DAD1: variants seen among roughly 807,000 people sequenced by gnomAD.
DAD1 encodes defender against cell death 1.
Under a neutral mutation model 9.0 loss-of-function variants are expected in DAD1, and 4 were observed. The observed-to-expected ratio is 0.44, with a 90% confidence interval of 0.22 to 1.01. The LOEUF is 1.01. Among genes scored for constraint, DAD1 ranks in the 50% least tolerant of loss-of-function variants. The probability of loss-of-function intolerance (pLI) is 0.24; values close to 1 mark genes in which losing one functional copy is unlikely to be tolerated. For missense variants in DAD1, 119 were observed against 137.3 expected (o/e 0.87, Z 0.67); for synonymous variants, 60 against 62.5 (o/e 0.96, Z 0.19).
At chr14:22,572,983 T>C (rs1441271427) in intron 2 of DAD1, among the ~76,000 whole-genome samples, 1 of 152,220 alleles carries the variant, frequency 6.6e-6, no homozygotes, top group African/African-American at 2.4e-5. Context: ...TAACTAGCAA[T>C]AGCTGTTATC....
intron 2 of DAD1, among the ~76,000 whole-genome samples, chr14:22,567,989 TAAAAA>T (rs893331657): frequency 5.3e-5 from 8 of 152,214 alleles, no homozygotes; most frequent in African/African-American, 1.9e-4. Context: ...AAAAATTTCT[TAAAAA>T]GAAAAGTTTA....
At chr14:22,573,693 G>C (rs1386146614) in intron 2 of DAD1, among the ~76,000 whole-genome samples, 7 of 124,858 alleles carry the variant, frequency 5.6e-5, no homozygotes, top group Middle Eastern at 0.013. Context: ...CTGGGTAACA[G>C]AGCGAGACTC....
chr14:22,570,230 C>T (rs1566370000), intron 2 of DAD1, among the ~76,000 whole-genome samples: 1 of 151,740 alleles, frequency 6.6e-6, no homozygotes, highest in Non-Finnish European at 1.5e-5. Context: ...TAGAACAAAC[C>T]AAAAAAAGAA....
chr14:22,572,112 C>A (rs2037045464), intron 2 of DAD1, among the ~76,000 whole-genome samples: 1 of 152,096 alleles, frequency 6.6e-6, no homozygotes. Context: ...ATTTTTTTAA[C>A]CCAATGCCAT....
intron 2 of DAD1, among the ~76,000 whole-genome samples, chr14:22,569,501 T>C (rs1275732466): frequency 1.3e-5 from 2 of 151,898 alleles, no homozygotes; most frequent in African/African-American, 2.4e-5. Context: ...CTGTTCACAA[T>C]TGAGTCCAGT....
At chr14:22,585,100 C>A (rs1309171663) in intron 1 of DAD1, among the ~76,000 whole-genome samples, 3 of 152,220 alleles carry the variant, frequency 2.0e-5, no homozygotes, top group African/African-American at 7.2e-5. Flanking sequence ...AAAAGAAATG[C>A]TGGACCCCAG....
At chr14:22,567,613 CTATT>C (rs2037009953) in intron 2 of DAD1, among the ~76,000 whole-genome samples, 1 of 152,222 alleles carries the variant, frequency 6.6e-6, no homozygotes, top group South Asian at 2.1e-4. Flanking sequence ...ACACAGGTGA[CTATT>C]TAAACTTAGT....
chr14:22,587,664 G>A (rs911418019), intron 1 of DAD1, among the ~76,000 whole-genome samples: 1 of 151,926 alleles, frequency 6.6e-6, no homozygotes, highest in African/African-American at 2.4e-5. Flanking sequence ...AATATCTCTG[G>A]TGTGTCAGAA....
chr14:22,569,649 G>T (rs1361356676), intron 2 of DAD1, among the ~76,000 whole-genome samples: 2 of 152,156 alleles, frequency 1.3e-5, no homozygotes, highest in Non-Finnish European at 2.9e-5. Flanking sequence ...AAGCTGGGAG[G>T]ATGGAGAAAA....
Position 22,571,163 on chromosome 14 carries a change from A to G in DAD1, c.*44+3896T>C, listed in dbSNP as rs564901835. 7.9e-5 allele frequency among the ~76,000 whole-genome samples: 12 copies of G among 151,940 alleles called. No individual in the cohort carries two copies. In the East Asian group the frequency reaches 2.3e-3, roughly 29 times the overall value. ...AGAGTGAAACCCCATCTCTACTAAAAATACAAAAACTAGCCGGGCAAGTGC... is the reference window on the plus strand; with the variant it reads ...AGAGTGAAACCCCATCTCTACTAAAGATACAAAAACTAGCCGGGCAAGTGC... On this transcript the variant is annotated intron_variant, in intron 2 of 2. Coordinates refer to ENST00000250498, the MANE Select transcript of DAD1 (RefSeq NM_001344.4).
At chr14:22,573,837 CAAAGG>C (rs2037059580) in intron 2 of DAD1, among the ~76,000 whole-genome samples, 1 of 151,428 alleles carries the variant, frequency 6.6e-6, no homozygotes, top group African/African-American at 2.4e-5. Flanking sequence ...GAGGCAGTAT[CAAAGG>C]AAAGGATTTA....
chr14:22,586,943 T>C (rs1419640675), intron 1 of DAD1, among the ~76,000 whole-genome samples: 3 of 152,218 alleles, frequency 2.0e-5, no homozygotes, highest in African/African-American at 7.2e-5. Context: ...TATTATCTGT[T>C]ATCTAACAGA....
intron 2 of DAD1, among the ~76,000 whole-genome samples, chr14:22,566,036 G>A (rs2139233977): frequency 6.6e-6 from 1 of 152,336 alleles, no homozygotes; most frequent in South Asian, 2.1e-4. Context: ...TGGTATATTG[G>A]GTCAAGTAAG....
chr14:22,574,451 C>A (rs1368188631), intron 2 of DAD1, among the ~76,000 whole-genome samples: 1 of 152,136 alleles, frequency 6.6e-6, no homozygotes, highest in Non-Finnish European at 1.5e-5. Flanking sequence ...TACCAAGATT[C>A]TTTTTGTAAG....
Position 22,588,984 on chromosome 14 carries a change from CGA to C in DAD1, c.172_173del (p.Ser58GlyfsTer38). The C allele has an allele frequency of 6.2e-7, 1 of 1,614,092 alleles. No individual in the cohort carries two copies. Among genetic ancestry groups the C allele is most frequent in the Non-Finnish European group, 8.5e-7 (1 of 1,180,020 alleles). ...VGTFPFNSFLSGFISCVGSFI... is the reference protein window; with the variant it reads ...VGTFPFNSFLXGFISCVGSFI... Reference sequence around the variant, plus strand: ...AACTCCCCACACAAGAGATGAAGCCCGAGAGAAAAGAGTTGAAGGGGAAGGTC... The same window carrying C: ...AACTCCCCACACAAGAGATGAAGCCCGAGAAAAGAGTTGAAGGGGAAGGTC... On this transcript the variant is annotated frameshift_variant, in exon 1 of 3. Coordinates refer to ENST00000250498, the MANE Select transcript of DAD1 (RefSeq NM_001344.4). LOFTEE classifies it high-confidence loss of function.
chr14:22,568,598 C>T (rs981600425), intron 2 of DAD1, among the ~76,000 whole-genome samples: 2 of 152,140 alleles, frequency 1.3e-5, no homozygotes, highest in African/African-American at 4.8e-5. Flanking sequence ...CCAGACCAAT[C>T]CTCTCACAAC....
chr14:22,576,349 C>G (rs2037077795), intron 1 of DAD1, among the ~76,000 whole-genome samples: 1 of 152,124 alleles, frequency 6.6e-6, no homozygotes, highest in African/African-American at 2.4e-5. Context: ...CTGACAAAAC[C>G]ACTCAATGGG....
chr14:22,577,189 T>G (rs2037083091), intron 1 of DAD1, among the ~76,000 whole-genome samples: 1 of 152,194 alleles, frequency 6.6e-6, no homozygotes, highest in African/African-American at 2.4e-5. Flanking sequence ...ATCCCAGCAC[T>G]TTGGGAGGCT....
chr14:22,575,683 G>T (rs1238606133), intron 1 of DAD1, among the ~76,000 whole-genome samples: 1 of 152,184 alleles, frequency 6.6e-6, no homozygotes, highest in Non-Finnish European at 1.5e-5. Flanking sequence ...AAGTAGCCGG[G>T]ACTACAGGCA....
Sources: gnomAD v4.1 joint callset for allele counts (sites outside exome capture counted in the v4.1 genomes callset) on GRCh38, gnomAD v4.1.1 for gene constraint, MANE v1.5 for transcripts, NCBI Gene and HGNC (gene_info 2026-07-23, HGNC 2026-07-21) for gene names.